The following NSUN2 variants were observed in gnomAD, a reference collection of about 807,000 sequenced individuals.
The protein encoded by NSUN2 is RNA cytosine C(5)-methyltransferase NSUN2.
NSUN2 carries 63 observed loss-of-function variants against 92.7 expected under a neutral mutation model. The observed-to-expected ratio is 0.68, with a 90% confidence interval of 0.56 to 0.84. The LOEUF is 0.84. Among genes scored for constraint, NSUN2 ranks in the 40% least tolerant of loss-of-function variants. The pLI is 0.00. For missense variants in NSUN2, 989 were observed against 964.9 expected (o/e 1.02, Z -0.33); for synonymous variants, 356 against 348.3 (o/e 1.02, Z -0.25).
Position 6,610,971 on chromosome 5 carries a change from T to C in NSUN2, c.1210A>G (p.Met404Val), listed in dbSNP as rs774471191. The C allele has an allele frequency of 4.3e-6, 7 of 1,614,026 alleles. No individual in the cohort carries two copies. In the African/African-American group the frequency reaches 8.0e-5, roughly 18 times the overall value. ...PPKDPEKLQA[M>V]HLERCLRILP... ...CCAGCTCACCATCGCTCCAGGTGCA[T>C]GGCCTGCAGCTTTTCTGGGTCCTTC... Residue 404 changes from methionine (M) to valine (V), a missense_variant, in exon 11 of 19, where the codon ATG (methionine) becomes GTG (valine). Physicochemically the swap from Met to Val is conservative, Grantham distance 21 (BLOSUM62 1). Transcript: ENST00000264670.
chr5:6,622,778 C>T (rs1175253376), intron 5 of NSUN2, among the ~76,000 whole-genome samples: 3 of 147,798 alleles, frequency 2.0e-5, no homozygotes, highest in South Asian at 2.1e-4. Context: ...ACTCAGGAGG[C>T]GGAGGTTGCA....
At chr5:6,602,407 C>G (rs1321732062) in intron 18 of NSUN2, 54 bp downstream of exon 18, 8 of 1,554,222 alleles carry the variant, frequency 5.1e-6, no homozygotes, top group Non-Finnish European at 7.1e-6. Flanking sequence ...AACGAGAACA[C>G]TGTAGCTAAT....
At chr5:6,604,388 A>C (rs2126470757) in intron 16 of NSUN2, 112 bp from the exon 17 acceptor site, 2 of 1,068,998 alleles carry the variant, frequency 1.9e-6, no homozygotes, top group East Asian at 4.9e-5. Flanking sequence ...AGCCCTCACT[A>C]TGGCCCCTCC....
chr5:6,604,417 C>T, intron 16 of NSUN2, 141 bp from the exon 17 acceptor site: 2 of 897,522 alleles, frequency 2.2e-6, no homozygotes, highest in South Asian at 3.3e-5. Flanking sequence ...AGGTGTGGAA[C>T]CCACCCCCCC....
intron 16 of NSUN2, 130 bp from the exon 17 acceptor site, chr5:6,604,406 C>T: frequency 1.0e-6 from 1 of 969,858 alleles, no homozygotes; most frequent in Non-Finnish European, 1.5e-6. Context: ...TCCCCTTGGA[C>T]AGGTGTGGAA....
Position 6,631,940 on chromosome 5 carries a change from A to G in NSUN2, c.292T>C (p.Tyr98His), listed in dbSNP as rs200924399. Residue 98 changes from tyrosine to histidine, a missense_variant, in exon 3 of 19, where the codon TAT becomes CAT. Coordinates refer to ENST00000264670, the MANE Select transcript of NSUN2 (RefSeq NM_017755.6). Reference protein sequence around the residue: ...KEILHCLKNKYFKELEDLEVD... With the variant: ...KEILHCLKNKHFKELEDLEVD... ...TCCAGGTCCTCCAATTCCTTAAAATATTTGTTCTTTAAGCAATGGAGAATC... is the reference window on the plus strand; with the variant it reads ...TCCAGGTCCTCCAATTCCTTAAAATGTTTGTTCTTTAAGCAATGGAGAATC... The G allele has an allele frequency of 3.0e-5, 48 of 1,613,912 alleles. No homozygotes were observed. Among genetic ancestry groups the G allele is most frequent in the African/African-American group, 1.7e-4 (13 of 74,932 alleles).
At chr5:6,628,842 A>G (rs185516142) in intron 3 of NSUN2, among the ~76,000 whole-genome samples, 3 of 152,326 alleles carry the variant, frequency 2.0e-5, no homozygotes, top group Non-Finnish European at 2.9e-5. Context: ...CTGGAATGCA[A>G]GACCAGCCTG....
chr5:6,614,731 A>G (rs922640484), intron 9 of NSUN2, among the ~76,000 whole-genome samples: 9 of 152,214 alleles, frequency 5.9e-5, no homozygotes, highest in African/African-American at 2.2e-4. Flanking sequence ...GCCAGCCCAC[A>G]GAGCACACAG....
Position 6,607,403 on chromosome 5 carries a change from T to C in NSUN2, c.1324-19A>G. ...CCTGAAGCTGTCATAAAGAACAATT[T>C]CATTGACACACAAAGAGGAGCATTC... On this transcript the variant is annotated intron_variant, in intron 12 of 18. Coordinates refer to ENST00000264670, the MANE Select transcript of NSUN2 (RefSeq NM_017755.6). The C allele has an allele frequency of 6.3e-7, 1 of 1,594,648 alleles. No individual in the cohort carries two copies. Among genetic ancestry groups the C allele is most frequent in the Non-Finnish European group, 8.6e-7 (1 of 1,167,426 alleles).
intron 3 of NSUN2, among the ~76,000 whole-genome samples, chr5:6,630,923 C>T (rs1012772240): frequency 1.3e-5 from 2 of 152,134 alleles, no homozygotes; most frequent in African/African-American, 4.8e-5. Context: ...AAAAACCCGT[C>T]TCCACTAAAA....
chr5:6,623,319 G>GAAAAAA, intron 4 of NSUN2, 34 bp from the exon 5 acceptor site: 1 of 1,246,682 alleles, frequency 8.0e-7, no homozygotes, highest in Non-Finnish European at 1.1e-6. Context: ...CAACAATTAG[G>GAAAAAA]AAAAAAAAAA....
At chr5:6,605,066 G>A in intron 15 of NSUN2, 4 of 683,242 alleles carry the variant, frequency 5.9e-6, no homozygotes, top group Non-Finnish European at 9.8e-6. Flanking sequence ...AAAGACACAG[G>A]CCACCAGATT....
intron 4 of NSUN2, among the ~76,000 whole-genome samples, chr5:6,624,158 T>C (rs1737563195): frequency 6.6e-6 from 1 of 152,234 alleles, no homozygotes; most frequent in Admixed American, 6.5e-5. Flanking sequence ...CATGAGTCTG[T>C]GGTGATTCAC....
At chr5:6,612,502 T>C (rs1399025834) in intron 9 of NSUN2, among the ~76,000 whole-genome samples, 1 of 152,156 alleles carries the variant, frequency 6.6e-6, no homozygotes, top group Non-Finnish European at 1.5e-5. Context: ...AATAAGAAGC[T>C]ATAAGGTGAG....
chr5:6,603,593 G>A (rs896948732), intron 17 of NSUN2, among the ~76,000 whole-genome samples: 2 of 152,154 alleles, frequency 1.3e-5, no homozygotes, highest in Non-Finnish European at 2.9e-5. Flanking sequence ...TGGGAGGCTG[G>A]GGCAGGAGAA....
At chr5:6,620,675 G>A (rs1299098223) in intron 6 of NSUN2, 5 of 156,518 alleles carry the variant, frequency 3.2e-5, no homozygotes, top group South Asian at 3.9e-4. Flanking sequence ...AACACAAGCC[G>A]GGACCCTGCT....
rs1085307574 is a variant in NSUN2, at chr5:6,632,696, G to A, written c.157C>T (p.Gln53Ter). Residue 53 changes from glutamine (Q) to a stop codon, truncating the protein, a stop_gained, in exon 2 of 19, where the codon CAG (glutamine) becomes TAG (stop). Transcript: ENST00000264670. LOFTEE classifies it high-confidence loss of function. Reference sequence around the variant, plus strand: ...CCCTCGGGCACGATCTTGAGCTCCTGGTAGTAGTGCTCGAACAGCTTGTTC... The same window carrying A: ...CCCTCGGGCACGATCTTGAGCTCCTAGTAGTAGTGCTCGAACAGCTTGTTC... ...KENKLFEHYY[Q>*]ELKIVPEGEW... 3.1e-6 allele frequency: 5 copies of A among 1,614,144 alleles called. No homozygotes were observed. Among genetic ancestry groups the A allele is most frequent in the South Asian group, 1.1e-5 (1 of 91,076 alleles).
At chr5:6,629,101 C>G (rs1737768186) in intron 3 of NSUN2, among the ~76,000 whole-genome samples, 1 of 152,092 alleles carries the variant, frequency 6.6e-6, no homozygotes, top group Admixed American at 6.6e-5. Context: ...TATTAGAAAC[C>G]CAGATCTACA....
intron 18 of NSUN2, 44 bp downstream of exon 18, chr5:6,602,417 T>TA (rs769765819): frequency 6.3e-7 from 1 of 1,590,390 alleles, no homozygotes; most frequent in Non-Finnish European, 8.6e-7. Context: ...CTGTAGCTAA[T>TA]GACAAGGCGT....
Sources: allele counts gnomAD v4.1 joint callset (sites outside exome capture counted in the v4.1 genomes callset), GRCh38; gene constraint gnomAD v4.1.1; transcripts MANE v1.5; gene names NCBI Gene and HGNC (gene_info 2026-07-23, HGNC 2026-07-21).